The following GNAT3 variants were observed in gnomAD, a reference collection of about 807,000 sequenced individuals.
GNAT3 encodes guanine nucleotide-binding protein G(t) subunit alpha-3.
A neutral mutation model predicts 37.7 loss-of-function variants in GNAT3; 31 were observed. The ratio of observed to expected loss-of-function variants is 0.82; its 90% CI spans 0.62 to 1.11. The LOEUF (loss-of-function observed/expected upper bound fraction) is 1.11, where lower values mean the gene tolerates loss of function less well. Among genes scored for constraint, GNAT3 ranks in the 50% most tolerant of loss-of-function variants. The pLI, the probability that GNAT3 is intolerant of heterozygous loss-of-function variation, is 0.00. For synonymous variants in GNAT3, 138 were observed against 139.8 expected (o/e 0.99, Z 0.09); for missense variants, 437 against 412.5 (o/e 1.06, Z -0.51).
intron 5 of GNAT3, among the ~76,000 whole-genome samples, chr7:80,468,526 A>G (rs1303584354): frequency 6.6e-6 from 1 of 152,064 alleles, no homozygotes; most frequent in Non-Finnish European, 1.5e-5. Context: ...ATTGAATGGG[A>G]TTTATTCAAG....
intron 1 of GNAT3, among the ~76,000 whole-genome samples, chr7:80,510,196 A>C (rs1301572950): frequency 6.6e-6 from 1 of 152,088 alleles, no homozygotes; most frequent in Non-Finnish European, 1.5e-5. Flanking sequence ...GTCACAACTG[A>C]ATCTCTAGTT....
rs926314938 is a variant in GNAT3, at chr7:80,467,922, G to T, written c.591-5291C>A. 6.6e-5 allele frequency among the ~76,000 whole-genome samples: 10 copies of T among 151,866 alleles called. No homozygotes were observed. The East Asian group carries it at 1.7e-3, about 26-fold the overall frequency. ...GTCCTCATTTGGGATTTTGTGTGGG[G>T]TTTTTTGGTCTTATTTATTTAAGTT... On this transcript the variant is annotated intron_variant, in intron 5 of 7. Transcript: ENST00000398291.
intron 1 of GNAT3, among the ~76,000 whole-genome samples, chr7:80,497,410 A>C (rs1790736307): frequency 6.6e-6 from 1 of 151,948 alleles, no homozygotes; most frequent in Non-Finnish European, 1.5e-5. Context: ...GTCATACAAT[A>C]ATATTATAAA....
chr7:80,499,303 C>T (rs1461253592), intron 1 of GNAT3, among the ~76,000 whole-genome samples: 2 of 152,150 alleles, frequency 1.3e-5, no homozygotes, highest in African/African-American at 4.8e-5. Context: ...TAAGTAGGCA[C>T]TGATAAATAC....
At chr7:80,474,045 G>C (rs1484749393) in intron 5 of GNAT3, among the ~76,000 whole-genome samples, 1 of 152,088 alleles carries the variant, frequency 6.6e-6, no homozygotes, top group Non-Finnish European at 1.5e-5. Flanking sequence ...TTTTAGCCTG[G>C]AAGGAGGGAT....
At chr7:80,484,443 C>T (rs1790443090) in intron 3 of GNAT3, among the ~76,000 whole-genome samples, 1 of 151,988 alleles carries the variant, frequency 6.6e-6, no homozygotes, top group Non-Finnish European at 1.5e-5. Flanking sequence ...AATTGTAGAA[C>T]ATCTTGAGGA....
intron 3 of GNAT3, among the ~76,000 whole-genome samples, chr7:80,481,118 C>T (rs949174891): frequency 1.3e-5 from 2 of 152,014 alleles, no homozygotes; most frequent in South Asian, 4.2e-4. Context: ...AAGGATATGT[C>T]ACTTATTGTT....
At chr7:80,503,649 A>C (rs2116226729) in intron 1 of GNAT3, among the ~76,000 whole-genome samples, 1 of 152,308 alleles carries the variant, frequency 6.6e-6, no homozygotes, top group East Asian at 1.9e-4. Flanking sequence ...GAGGATTGAA[A>C]TATCAAGTGG....
intron 2 of GNAT3, among the ~76,000 whole-genome samples, chr7:80,493,243 A>G (rs752046624): frequency 6.6e-6 from 1 of 152,152 alleles, no homozygotes; most frequent in Non-Finnish European, 1.5e-5. Context: ...GGGAGACAAG[A>G]GCAGGCAGAT....
chr7:80,490,318 T>C (rs1255217577), intron 2 of GNAT3, among the ~76,000 whole-genome samples: 1 of 152,186 alleles, frequency 6.6e-6, no homozygotes, highest in Non-Finnish European at 1.5e-5. Context: ...GCAGCTGCCA[T>C]ATTTCAAGGC....
At chr7:80,478,328 T>C (rs1790338365) in intron 4 of GNAT3, among the ~76,000 whole-genome samples, 1 of 152,222 alleles carries the variant, frequency 6.6e-6, no homozygotes, top group Non-Finnish European at 1.5e-5. Flanking sequence ...ATTTATAGAA[T>C]TTTTTGAGAC....
chr7:80,460,333 A>C (rs1790028633), intron 7 of GNAT3, among the ~76,000 whole-genome samples: 1 of 152,182 alleles, frequency 6.6e-6, no homozygotes, highest in African/African-American at 2.4e-5. Context: ...AGGAGGCATG[A>C]ATGGGGGAAC....
chr7:80,481,836 T>G (rs1312537421), intron 3 of GNAT3, among the ~76,000 whole-genome samples: 1 of 152,158 alleles, frequency 6.6e-6, no homozygotes, highest in African/African-American at 2.4e-5. Context: ...TTTCTACTGA[T>G]TCTAGGCCTT....
intron 5 of GNAT3, among the ~76,000 whole-genome samples, chr7:80,464,391 G>A (rs1214556718): frequency 6.6e-6 from 1 of 152,070 alleles, no homozygotes; most frequent in African/African-American, 2.4e-5. Flanking sequence ...AACAGCAAGA[G>A]CAAAGTACTT....
At chr7:80,508,910 A>T (rs1791002752) in intron 1 of GNAT3, among the ~76,000 whole-genome samples, 1 of 152,082 alleles carries the variant, frequency 6.6e-6, no homozygotes, top group Non-Finnish European at 1.5e-5. Flanking sequence ...AAAATCTGTC[A>T]AAAGTGTTTT....
intron 4 of GNAT3, among the ~76,000 whole-genome samples, chr7:80,475,422 A>T (rs1202064094): frequency 6.6e-6 from 1 of 151,840 alleles, no homozygotes; most frequent in East Asian, 1.9e-4. Context: ...ACTGGTCTAG[A>T]CTTTTGATAC....
intron 1 of GNAT3, among the ~76,000 whole-genome samples, chr7:80,504,219 G>C (rs950278295): frequency 6.6e-6 from 1 of 152,134 alleles, no homozygotes; most frequent in African/African-American, 2.4e-5. Context: ...TGGATGCTGA[G>C]GTGGGAGGAT....
intron 3 of GNAT3, 93 bp downstream of exon 3, chr7:80,488,442 A>C (rs1365624770): frequency 3.5e-6 from 3 of 864,102 alleles, no homozygotes; most frequent in Non-Finnish European, 5.1e-6. Flanking sequence ...TAAATTTTGG[A>C]TATAGATTAA....
At chr7:80,488,073 A>G (rs767813594) in intron 3 of GNAT3, among the ~76,000 whole-genome samples, 27 of 152,154 alleles carry the variant, frequency 1.8e-4, no homozygotes, top group Non-Finnish European at 3.1e-4. Context: ...CTTTTTTAAA[A>G]AAAAACTTAT....
Sources: allele counts gnomAD v4.1 joint callset (sites outside exome capture counted in the v4.1 genomes callset), GRCh38; gene constraint gnomAD v4.1.1; transcripts MANE v1.5; gene names NCBI Gene and HGNC (gene_info 2026-07-23, HGNC 2026-07-21).